The following BRINP1 variants were observed in gnomAD, a reference collection of about 807,000 sequenced individuals.
BRINP1 encodes the protein BMP/retinoic acid-inducible neural-specific protein 1.
BRINP1 carries 17 observed loss-of-function variants against 72.9 expected under a neutral mutation model. The ratio of observed to expected loss-of-function variants is 0.23; its 90% CI spans 0.16 to 0.35. The LOEUF is 0.35. BRINP1 is among the 10% of genes least tolerant of loss of function. The pLI, the probability that BRINP1 is intolerant of heterozygous loss-of-function variation, is 1.00. For missense variants in BRINP1, 850 were observed against 1,001.6 expected (o/e 0.85, Z 2.04); for synonymous variants, 418 against 378.5 (o/e 1.10, Z -1.21).
intron 5 of BRINP1, among the ~76,000 whole-genome samples, chr9:119,226,353 G>C (rs1830092412): frequency 6.6e-6 from 1 of 152,036 alleles, no homozygotes; most frequent in Admixed American, 6.6e-5. Flanking sequence ...ATGGGACATG[G>C]TTGTTAAATA....
intron 1 of BRINP1, among the ~76,000 whole-genome samples, chr9:119,350,977 G>A (rs535802425): frequency 6.7e-6 from 1 of 150,024 alleles, no homozygotes; most frequent in East Asian, 2.0e-4. Context: ...GTATACATAT[G>A]CCATGGTAGT....
intron 1 of BRINP1, among the ~76,000 whole-genome samples, chr9:119,359,680 A>G (rs1378902686): frequency 1.3e-5 from 2 of 152,234 alleles, no homozygotes; most frequent in African/African-American, 2.4e-5. Context: ...CAAATCCACA[A>G]CAAAACACAA....
At chr9:119,237,159 C>T (rs1294971728) in intron 5 of BRINP1, among the ~76,000 whole-genome samples, 2 of 152,092 alleles carry the variant, frequency 1.3e-5, no homozygotes, top group African/African-American at 4.8e-5. Flanking sequence ...TTATCATATA[C>T]CTTTCTAGAA....
In BRINP1 at chr9:119,166,948, T is replaced by TGAA; in HGVS notation, c.*133_*135dup. 12 of 973,772 alleles carry TGAA rather than the reference T, an allele frequency of 1.2e-5. No individual in the cohort carries two copies. Among genetic ancestry groups the TGAA allele is most frequent in the South Asian group, 3.4e-5 (2 of 58,728 alleles). 60.3% of individuals were successfully genotyped at this position (973,772 alleles called of 1,614,324 possible). Reference sequence around the variant, plus strand: ...CTAGAACGTTTTCATTTCCAACAAATGAAGATTTTCCTCCTTTTCTTTGAA... The same window carrying TGAA: ...CTAGAACGTTTTCATTTCCAACAAATGAAGAAGATTTTCCTCCTTTTCTTTGAA... On this transcript the variant is annotated 3_prime_UTR_variant, in exon 8 of 8. Transcript: ENST00000265922.
intron 1 of BRINP1, among the ~76,000 whole-genome samples, chr9:119,325,441 C>T (rs564678388): frequency 6.6e-6 from 1 of 152,294 alleles, no homozygotes; most frequent in East Asian, 1.9e-4. Context: ...CAACCATTTC[C>T]ACATCCTGTC....
chr9:119,175,221 C>G (rs577105489), intron 7 of BRINP1, among the ~76,000 whole-genome samples: 1 of 151,282 alleles, frequency 6.6e-6, no homozygotes, highest in Non-Finnish European at 1.5e-5. Context: ...TTTGCACGGA[C>G]ATGGATTAAG....
chr9:119,168,029 G>T lies in BRINP1; in HGVS notation c.1341C>A (p.Cys447Ter), dbSNP rs1043379. 1 of 1,612,640 alleles carries T rather than the reference G, an allele frequency of 6.2e-7. No homozygotes were observed. Among genetic ancestry groups the T allele is most frequent in the Non-Finnish European group, 8.5e-7 (1 of 1,178,886 alleles). The stretch of plus-strand genomic sequence containing the variant: ...GCTTGTAGCCCTTGTTGCAGGAGCC[G>T]CAGAGGGAGATGTTGGCCAGGCTGC... ...AMCSLANISL[C>*]GSCNKGYKLY... The change falls in exon 8 of 8, where the codon TGC becomes TGA. Residue 447 changes from cysteine to a stop codon, truncating the protein, a stop_gained. Transcript: ENST00000265922. LOFTEE classifies it high-confidence loss of function.
In BRINP1 at chr9:119,299,169, G is replaced by A. The variant is rs374730658; in HGVS notation, c.218+13969C>T. On this transcript the variant is annotated intron_variant, in intron 2 of 7. Coordinates refer to ENST00000265922, the MANE Select transcript of BRINP1 (RefSeq NM_014618.3). The stretch of plus-strand genomic sequence containing the variant: ...AGTATAGTCACCATGTTGAACAATC[G>A]ATCTTAAATTTGTTCTTCCTATCTA... Among the ~76,000 whole-genome samples, 19 of 152,006 alleles carry A rather than the reference G, an allele frequency of 1.2e-4. 1 individual carries two copies. The highest frequency in any genetic ancestry group is 3.4e-3 in the Middle Eastern group (1 of 292).
At chr9:119,254,094 A>C in intron 2 of BRINP1, among the ~76,000 whole-genome samples, 1 of 152,208 alleles carries the variant, frequency 6.6e-6, no homozygotes, top group East Asian at 1.9e-4. Flanking sequence ...TTAGAGACAA[A>C]AAGGTTGATT....
intron 2 of BRINP1, among the ~76,000 whole-genome samples, chr9:119,273,845 T>C (rs1830629461): frequency 6.6e-6 from 1 of 152,196 alleles, no homozygotes; most frequent in Admixed American, 6.5e-5. Context: ...GTTATGTTCC[T>C]TGTCCACGTT....
chr9:119,241,799 G>A (rs1830252426), intron 4 of BRINP1, among the ~76,000 whole-genome samples: 1 of 152,302 alleles, frequency 6.6e-6, no homozygotes, highest in Middle Eastern at 3.4e-3. Context: ...GAGAACTGTT[G>A]ATAGTTATGC....
chr9:119,305,943 C>T (rs890298681), intron 2 of BRINP1, among the ~76,000 whole-genome samples: 3 of 152,166 alleles, frequency 2.0e-5, no homozygotes. Flanking sequence ...GATCACAGAT[C>T]CAGTCTCTCT....
intron 2 of BRINP1, among the ~76,000 whole-genome samples, chr9:119,279,703 A>G (rs749705499): frequency 8.5e-5 from 13 of 152,208 alleles, no homozygotes; most frequent in Non-Finnish European, 1.5e-4. Flanking sequence ...CATAATTAGC[A>G]TATCAATTCT....
At chr9:119,201,612 A>T (rs1268496917) in intron 7 of BRINP1, among the ~76,000 whole-genome samples, 1 of 152,138 alleles carries the variant, frequency 6.6e-6, no homozygotes, top group Non-Finnish European at 1.5e-5. Flanking sequence ...TGCTCTCCAG[A>T]GTGTGAGTTA....
chr9:119,250,336 T>C (rs945190805), intron 2 of BRINP1, among the ~76,000 whole-genome samples: 3 of 152,184 alleles, frequency 2.0e-5, no homozygotes, highest in East Asian at 1.9e-4. Flanking sequence ...CCAAAGACCA[T>C]GTGGGAGAAT....
intron 1 of BRINP1, among the ~76,000 whole-genome samples, chr9:119,364,498 T>C (rs1044259919): frequency 6.6e-6 from 1 of 152,234 alleles, no homozygotes; most frequent in Admixed American, 6.5e-5. Flanking sequence ...GACACCTTCA[T>C]ACCATCAATT....
At chr9:119,364,018 C>CTTTTT (rs139650782) in intron 1 of BRINP1, among the ~76,000 whole-genome samples, 1 of 125,522 alleles carries the variant, frequency 8.0e-6, no homozygotes. Flanking sequence ...TCATCCCTCC[C>CTTTTT]TTTTTTTTTT....
chr9:119,275,457 G>C (rs1830647464), intron 2 of BRINP1, among the ~76,000 whole-genome samples: 1 of 152,174 alleles, frequency 6.6e-6, no homozygotes, highest in East Asian at 1.9e-4. Context: ...CATAAAATGT[G>C]TGCTGAGTCC....
intron 7 of BRINP1, among the ~76,000 whole-genome samples, chr9:119,180,280 G>T (rs1829538171): frequency 6.6e-6 from 1 of 152,206 alleles, no homozygotes; most frequent in African/African-American, 2.4e-5. Flanking sequence ...TTGGAGCTCT[G>T]CATTATTCTT....
Sources: gnomAD v4.1 joint callset for allele counts (sites outside exome capture counted in the v4.1 genomes callset) on GRCh38, gnomAD v4.1.1 for gene constraint, MANE v1.5 for transcripts, NCBI Gene and HGNC (gene_info 2026-07-23, HGNC 2026-07-21) for gene names.